The following ACCSL variants were observed in gnomAD, a reference collection of about 807,000 sequenced individuals.
The protein encoded by ACCSL is 1-aminocyclopropane-1-carboxylate synthase homolog (inactive) like.
In ACCSL, 55 loss-of-function variants were observed where a neutral mutation model predicts 61.7. The ratio of observed to expected loss-of-function variants is 0.89; its 90% CI spans 0.72 to 1.12. The LOEUF (loss-of-function observed/expected upper bound fraction) is 1.12, where lower values mean the gene tolerates loss of function less well. ACCSL is among the 50% of genes most tolerant of loss of function. The probability of loss-of-function intolerance (pLI) is 0.00; values close to 1 mark genes in which losing one functional copy is unlikely to be tolerated. For synonymous variants in ACCSL, 258 were observed against 264.3 expected (o/e 0.98, Z 0.23); for missense variants, 632 against 698.0 (o/e 0.91, Z 1.07).
the ACCSL span, among the ~76,000 whole-genome samples, chr11:44,021,726 C>T: frequency 6.6e-6 from 1 of 151,930 alleles, no homozygotes; most frequent in Non-Finnish European, 1.5e-5. Flanking sequence ...TCCAATGCTA[C>T]CTTCTAGAAT....
chr11:44,048,157 A>G lies in ACCSL; in HGVS notation c.121A>G (p.Thr41Ala). ...EITLHLQQAMTEHFVQLTSRQ... is the reference protein window; with the variant it reads ...EITLHLQQAMAEHFVQLTSRQ... ...AACGCTGCACTTGCAGCAGGCCATGACGGAGCACTTCGTGCAGCTGACGAG... is the reference window on the plus strand; with the variant it reads ...AACGCTGCACTTGCAGCAGGCCATGGCGGAGCACTTCGTGCAGCTGACGAG... Residue 41 changes from threonine (T) to alanine (A), a missense_variant, in exon 1 of 14, where the codon ACG (threonine) becomes GCG (alanine). Transcript: ENST00000378832. 6.2e-7 allele frequency: 1 copy of G among 1,614,186 alleles called. No homozygotes were observed. The highest frequency in any genetic ancestry group is 8.5e-7 in the Non-Finnish European group (1 of 1,180,022).
chr11:43,958,991 G>A, the ACCSL span, among the ~76,000 whole-genome samples: 1 of 152,110 alleles, frequency 6.6e-6, no homozygotes, highest in Non-Finnish European at 1.5e-5. Flanking sequence ...AGGTAGAAGG[G>A]CAGAAAAGGG....
chr11:43,939,983 G>A, the ACCSL span, among the ~76,000 whole-genome samples: 2 of 152,070 alleles, frequency 1.3e-5, no homozygotes, highest in Admixed American at 1.3e-4. Context: ...TCTGTCTTCA[G>A]GGAAATCCCA....
chr11:43,962,534 GTCTT>G, the ACCSL span, among the ~76,000 whole-genome samples: 2 of 152,250 alleles, frequency 1.3e-5, no homozygotes, highest in Non-Finnish European at 2.9e-5. Flanking sequence ...GTGGCTCCGA[GTCTT>G]TCTCAAACAC....
intron 3 of ACCSL, 26 bp from the exon 4 acceptor site, chr11:44,051,309 C>T: frequency 1.9e-6 from 3 of 1,613,910 alleles, no homozygotes; most frequent in Non-Finnish European, 2.5e-6. Context: ...CCGGAAGCCA[C>T]AAGGTCTCTC....
intron 8 of ACCSL, among the ~76,000 whole-genome samples, chr11:44,054,061 C>T (rs1326330421): frequency 6.6e-6 from 1 of 152,156 alleles, no homozygotes; most frequent in Non-Finnish European, 1.5e-5. Flanking sequence ...AGAAATATGT[C>T]ACTTAAAAAT....
At chr11:43,981,141 C>T in the ACCSL span, among the ~76,000 whole-genome samples, 1 of 152,186 alleles carries the variant, frequency 6.6e-6, no homozygotes, top group East Asian at 1.9e-4. Flanking sequence ...ATTGCATTAA[C>T]GAGCACGCCA....
chr11:43,938,211 G>A, the ACCSL span, among the ~76,000 whole-genome samples: 4 of 152,140 alleles, frequency 2.6e-5, no homozygotes, highest in African/African-American at 7.2e-5. Context: ...CTCTGGGGGG[G>A]TGACCCCTTA....
the ACCSL span, among the ~76,000 whole-genome samples, chr11:44,039,079 C>T: frequency 3.0e-4 from 45 of 151,918 alleles, no homozygotes; most frequent in Non-Finnish European, 5.6e-4. Context: ...AATAGGTGCC[C>T]GGTGGATTGT....
the ACCSL span, among the ~76,000 whole-genome samples, chr11:43,976,066 AG>A: frequency 6.6e-6 from 1 of 152,204 alleles, no homozygotes; most frequent in Non-Finnish European, 1.5e-5. Flanking sequence ...TTGTCTCTGT[AG>A]TTTATCAGTC....
At chr11:44,054,473 T>C (rs1952659070) in intron 8 of ACCSL, among the ~76,000 whole-genome samples, 1 of 151,874 alleles carries the variant, frequency 6.6e-6, no homozygotes, top group South Asian at 2.1e-4. Flanking sequence ...TTTTGTTTTT[T>C]TGAGATGGAG....
chr11:44,000,745 G>GAAAGAAAGAA, the ACCSL span, among the ~76,000 whole-genome samples: 13 of 151,028 alleles, frequency 8.6e-5, no homozygotes, highest in Admixed American at 7.9e-4. Context: ...AAGAAAGAAA[G>GAAAGAAAGAA]AAAGAAAATT....
At chr11:44,027,050 T>C in the ACCSL span, among the ~76,000 whole-genome samples, 1 of 152,206 alleles carries the variant, frequency 6.6e-6, no homozygotes, top group Non-Finnish European at 1.5e-5. Context: ...AAAGTCTATA[T>C]TCTTTATCAT....
At chr11:44,023,084 T>C in the ACCSL span, among the ~76,000 whole-genome samples, 1 of 147,862 alleles carries the variant, frequency 6.8e-6, no homozygotes, top group East Asian at 2.0e-4. Flanking sequence ...CTCACTCTCG[T>C]TGGCCAGGCT....
At chr11:44,003,283 T>C in the ACCSL span, among the ~76,000 whole-genome samples, 337 of 152,308 alleles carry the variant, frequency 2.2e-3, 2 homozygotes, top group African/African-American at 7.1e-3. Flanking sequence ...CTGAATTGTT[T>C]TTTATTGTGG....
At chr11:44,044,075 A>G (rs780318054), upstream of ACCSL, among the ~76,000 whole-genome samples, 4 of 152,176 alleles carry the variant, frequency 2.6e-5, no homozygotes, top group Non-Finnish European at 4.4e-5. Flanking sequence ...AATATACTCT[A>G]TGGTAGCAGC....
At chr11:43,922,887 C>T in the ACCSL span, among the ~76,000 whole-genome samples, 1 of 152,212 alleles carries the variant, frequency 6.6e-6, no homozygotes, top group Non-Finnish European at 1.5e-5. Context: ...TTCTTTATAA[C>T]AGGCAACTTG....
the ACCSL span, among the ~76,000 whole-genome samples, chr11:44,012,897 G>A: frequency 5.3e-5 from 8 of 152,268 alleles, no homozygotes; most frequent in African/African-American, 1.4e-4. Context: ...ACTCAACAAC[G>A]TTCCTTCTTG....
At chr11:43,959,200 G>A in the ACCSL span, among the ~76,000 whole-genome samples, 25 of 152,282 alleles carry the variant, frequency 1.6e-4, 1 homozygote, top group African/African-American at 5.3e-4. Flanking sequence ...TGGAATGGGC[G>A]AGCCGGCGAT....
Sources: allele counts gnomAD v4.1 joint callset (sites outside exome capture counted in the v4.1 genomes callset), GRCh38; gene constraint gnomAD v4.1.1; transcripts MANE v1.5; gene names NCBI Gene and HGNC (gene_info 2026-07-23, HGNC 2026-07-21).